ANKRD30A: variants seen among roughly 807,000 people sequenced by gnomAD.
The protein encoded by ANKRD30A is ankyrin repeat domain-containing protein 30A.
ANKRD30A carries 170 observed loss-of-function variants against 166.3 expected under a neutral mutation model. The observed-to-expected ratio is 1.02, with a 90% CI of 0.90 to 1.16. The LOEUF is 1.16. Ranked by LOEUF, ANKRD30A falls within the 50% of genes most tolerant of loss-of-function variation. ANKRD30A has a pLI of 0.00. For synonymous variants in ANKRD30A, 564 were observed against 508.9 expected (o/e 1.11, Z -1.46); for missense variants, 1,630 against 1,518.0 (o/e 1.07, Z -1.23).
At chr10:37,262,287 G>A in the ANKRD30A span, among the ~76,000 whole-genome samples, 9 of 152,160 alleles carry the variant, frequency 5.9e-5, no homozygotes, top group African/African-American at 2.2e-4. Context: ...TAGATTGAGA[G>A]CTCTTCTGGA....
At chr10:37,255,415 A>G in the ANKRD30A span, among the ~76,000 whole-genome samples, 1 of 152,186 alleles carries the variant, frequency 6.6e-6, no homozygotes, top group Admixed American at 6.5e-5. Flanking sequence ...AATATATACA[A>G]TTAAAAAAAT....
chr10:37,246,801 G>T, the ANKRD30A span, among the ~76,000 whole-genome samples: 21 of 152,254 alleles, frequency 1.4e-4, no homozygotes, highest in African/African-American at 4.8e-4. Flanking sequence ...TGTGTATGGT[G>T]TTCCCTTGTA....
chr10:37,149,786 G>A lies in ANKRD30A; in HGVS notation c.1582G>A (p.Glu528Lys), dbSNP rs267602480. 1.1e-5 allele frequency: 18 copies of A among 1,612,926 alleles called. No homozygotes were observed. The highest frequency in any genetic ancestry group is 1.5e-5 in the Non-Finnish European group (18 of 1,179,170). The change falls in exon 11 of 36, where the codon GAA (glutamate) becomes AAA (lysine). Residue 528 changes from glutamate (E) to lysine (K), a missense_variant. Physicochemically the swap from Glu to Lys is moderately conservative, Grantham distance 56. This residue lies in a region of ANKRD30A where 904 missense variants were observed against 818.5 expected (regional missense o/e 1.10). Transcript: ENST00000361713. Reference sequence around the variant, plus strand: ...TTCCAACCCCATTTAGCCTGCCATTGAAATGCAAAACTCTGTTCCAAATAA... The same window carrying A: ...TTCCAACCCCATTTAGCCTGCCATTAAAATGCAAAACTCTGTTCCAAATAA... ...KKPSAFKPAI[E>K]MQNSVPNKAF...
At chr10:37,155,926 A>C (rs974603781) in intron 13 of ANKRD30A, among the ~76,000 whole-genome samples, 58 of 151,970 alleles carry the variant, frequency 3.8e-4, no homozygotes, top group African/African-American at 1.3e-3. Context: ...CTAAAAATAC[A>C]AAAAATTAGC....
intron 27 of ANKRD30A, among the ~76,000 whole-genome samples, chr10:37,193,778 G>A (rs1302016880): frequency 1.3e-5 from 2 of 152,098 alleles, no homozygotes; most frequent in Non-Finnish European, 2.9e-5. Flanking sequence ...TAGACACGGT[G>A]TTTTAGAAGA....
intron 34 of ANKRD30A, among the ~76,000 whole-genome samples, chr10:37,226,194 T>A (rs1489725189): frequency 6.6e-6 from 1 of 151,370 alleles, no homozygotes; most frequent in Non-Finnish European, 1.5e-5. Flanking sequence ...GCCATGTTGG[T>A]GTGCTGCACC....
At chr10:37,148,281 A>G (rs2132549091) in intron 9 of ANKRD30A, among the ~76,000 whole-genome samples, 1 of 152,236 alleles carries the variant, frequency 6.6e-6, no homozygotes, top group African/African-American at 2.4e-5. Flanking sequence ...AACAGGGTCA[A>G]GAGAAAGCAT....
chr10:37,236,735 T>C (rs915086790), downstream of ANKRD30A, among the ~76,000 whole-genome samples: 6 of 152,228 alleles, frequency 3.9e-5, no homozygotes, highest in Non-Finnish European at 5.9e-5. Flanking sequence ...GTATGCTAGA[T>C]GGCAAAGAGA....
At chr10:37,262,299 G>T in the ANKRD30A span, among the ~76,000 whole-genome samples, 1 of 152,178 alleles carries the variant, frequency 6.6e-6, no homozygotes, top group Admixed American at 6.5e-5. Context: ...TCTTCTGGAA[G>T]TGAATCTGCC....
At chr10:37,135,579 T>C (rs1477812986) in intron 5 of ANKRD30A, among the ~76,000 whole-genome samples, 3 of 152,180 alleles carry the variant, frequency 2.0e-5, no homozygotes, top group African/African-American at 4.8e-5. Flanking sequence ...TTTGTGGAAC[T>C]TACAAAAAAC....
At chr10:37,201,136 G>C in intron 30 of ANKRD30A, 99 bp from the exon 31 acceptor site, 9 of 965,128 alleles carry the variant, frequency 9.3e-6, no homozygotes, top group Non-Finnish European at 1.3e-5. Flanking sequence ...TTGCAAAATA[G>C]GACTTTTTTT....
At position 37,161,490 on chromosome 10, in the gene ANKRD30A, G is replaced by A. The variant is rs1361900478; in HGVS notation, c.1901-1159G>A. Among the ~76,000 whole-genome samples the A allele has an allele frequency of 4.0e-5, 6 of 151,802 alleles. No individual in the cohort carries two copies. The East Asian group carries it at 9.6e-4, about 24-fold the overall frequency. ...TTATTTATTTATTTTTTTAGTTGAA[G>A]CATTCTAGGCAGGTGACAGGGGACA... On this transcript the variant is annotated intron_variant, in intron 15 of 35. Coordinates refer to ENST00000361713, the MANE Select transcript of ANKRD30A (RefSeq NM_052997.3).
At chr10:37,190,847 T>C (rs986702920) in intron 25 of ANKRD30A, among the ~76,000 whole-genome samples, 2 of 151,812 alleles carry the variant, frequency 1.3e-5, no homozygotes, top group Non-Finnish European at 2.9e-5. Flanking sequence ...TGTATGTATG[T>C]ATGTATGTTT....
At chr10:37,209,019 CTCTTT>C (rs1347934933) in intron 31 of ANKRD30A, among the ~76,000 whole-genome samples, 2 of 152,118 alleles carry the variant, frequency 1.3e-5, no homozygotes, top group East Asian at 1.9e-4. Flanking sequence ...GATAGTTCAT[CTCTTT>C]TGAGTCCTTA....
At position 37,125,992 on chromosome 10, in the gene ANKRD30A, C is replaced by G. The variant is rs376849793; in HGVS notation, c.205C>G (p.Gln69Glu). 1.9e-6 allele frequency: 3 copies of G among 1,611,810 alleles called. No homozygotes were observed. Among genetic ancestry groups the G allele is most frequent in the Non-Finnish European group, 2.5e-6 (3 of 1,179,890 alleles). ...GAAGAAGACCATCAACCTTAATATA[C>G]AAGACGCCCAGAAGAGGTACCAGGC... ...KRKKTINLNIQDAQKRTALHW... is the reference protein window; with the variant it reads ...KRKKTINLNIEDAQKRTALHW... The change falls in exon 1 of 36, where the codon CAA (glutamine) becomes GAA (glutamate). Residue 69 changes from glutamine (Q) to glutamate (E), a missense_variant. This residue lies in a region of ANKRD30A where 904 missense variants were observed against 818.5 expected (regional missense o/e 1.10). Coordinates refer to ENST00000361713, the MANE Select transcript of ANKRD30A (RefSeq NM_052997.3).
intron 11 of ANKRD30A, among the ~76,000 whole-genome samples, chr10:37,150,066 A>G (rs1051420149): frequency 5.3e-5 from 8 of 152,042 alleles, no homozygotes; most frequent in African/African-American, 1.9e-4. Flanking sequence ...AGATGTTTCT[A>G]CTTTTGTATC....
Position 37,201,224 on chromosome 10 carries a change from A to T in ANKRD30A, c.2779-11A>T. The T allele has an allele frequency of 6.6e-7, 1 of 1,512,956 alleles. No homozygotes were observed. The highest frequency in any genetic ancestry group is 8.9e-7 in the Non-Finnish European group (1 of 1,125,996). The allele number at this position is 1,512,956 out of a possible 1,614,324, so 93.7% of individuals were successfully genotyped here. A position where few individuals can be genotyped will look rare whatever the true frequency, so the allele number is the denominator to read the frequency against. On this transcript the variant is annotated splice_polypyrimidine_tract_variant and intron_variant, in intron 30 of 35. Transcript: ENST00000361713. ...TCCATTGAAATTATTTATTGATATT[A>T]CTTTTAACAGAGTCTCCGTGAGACT...
chr10:37,158,476 C>T (rs769732778), intron 14 of ANKRD30A, 38 bp from the exon 15 acceptor site: 4 of 1,613,044 alleles, frequency 2.5e-6, no homozygotes, highest in African/African-American at 2.7e-5. Context: ...ATGAAGTATA[C>T]ATTGTATATT....
Position 37,197,500 on chromosome 10 carries a change from T to C in ANKRD30A, c.2716+20T>C. The C allele has an allele frequency of 1.2e-6, 2 of 1,611,914 alleles. No individual in the cohort carries two copies. Among genetic ancestry groups the C allele is most frequent in the Non-Finnish European group, 1.7e-6 (2 of 1,179,596 alleles). ...GAGCAGGTACATTTTTCAATGTAAC[T>C]ATGCGAAGACCAATATTTCAATATT... is the stretch of plus-strand genomic sequence containing the variant. On this transcript the variant is annotated intron_variant, in intron 29 of 35. Coordinates refer to ENST00000361713, the MANE Select transcript of ANKRD30A (RefSeq NM_052997.3).
Sources: allele counts gnomAD v4.1 joint callset (sites outside exome capture counted in the v4.1 genomes callset), GRCh38; gene constraint gnomAD v4.1.1; regional missense constraint gnomAD v4.1.1; transcripts MANE v1.5; gene names NCBI Gene and HGNC (gene_info 2026-07-23, HGNC 2026-07-21).